The following CEP43 variants were observed in gnomAD, a reference collection of about 807,000 sequenced individuals.
The protein encoded by CEP43 is centrosomal protein 43.
Under a neutral mutation model 52.6 loss-of-function variants are expected in CEP43, and 36 were observed. The ratio of observed to expected loss-of-function variants is 0.68; its 90% CI spans 0.52 to 0.90. CEP43 has a LOEUF of 0.90. Among genes scored for constraint, CEP43 ranks in the 40% least tolerant of loss-of-function variants. The pLI is 0.00. For missense variants in CEP43, 506 were observed against 472.8 expected (o/e 1.07, Z -0.65); for synonymous variants, 192 against 172.4 (o/e 1.11, Z -0.89).
At chr6:167,026,249 G>A (rs1284221559) in intron 9 of CEP43, among the ~76,000 whole-genome samples, 1 of 152,200 alleles carries the variant, frequency 6.6e-6, no homozygotes, top group African/African-American at 2.4e-5. Flanking sequence ...TGTAGTCCCA[G>A]CTACTCGGGA....
chr6:167,016,472 T>C (rs1255941623), intron 7 of CEP43, among the ~76,000 whole-genome samples: 1 of 152,176 alleles, frequency 6.6e-6, no homozygotes, highest in East Asian at 1.9e-4. Context: ...TGGTTGTCCA[T>C]TCTGATCCTC....
rs561686399 is a variant in CEP43 at position 167,006,093 on chromosome 6, A to G, written c.438+1692A>G. On this transcript the variant is annotated intron_variant, in intron 5 of 12. Coordinates refer to ENST00000366847, the MANE Select transcript of CEP43 (RefSeq NM_007045.4). ...TCTGCAACATGGAGATCACAGAAGTATCGCGCCTACAGGTCTGGAGGGGGT... is the reference window on the plus strand; with the variant it reads ...TCTGCAACATGGAGATCACAGAAGTGTCGCGCCTACAGGTCTGGAGGGGGT... Among the ~76,000 whole-genome samples the G allele has an allele frequency of 1.5e-4, 23 of 152,346 alleles. No individual in the cohort carries two copies. The South Asian group carries it at 2.5e-3, about 16-fold the overall frequency.
intron 8 of CEP43, 100 bp from the exon 9 acceptor site, chr6:167,024,682 G>T: frequency 1.3e-6 from 1 of 796,624 alleles, no homozygotes; most frequent in South Asian, 1.6e-5. Context: ...GCCACCACAC[G>T]TATAAAATAT....
intron 5 of CEP43, among the ~76,000 whole-genome samples, chr6:167,006,593 A>T (rs1425551773): frequency 6.6e-6 from 1 of 152,242 alleles, no homozygotes; most frequent in African/African-American, 2.4e-5. Flanking sequence ...TATAGCATTT[A>T]CATTGTATTA....
At chr6:167,039,477 C>T (rs1279643799) in intron 12 of CEP43, among the ~76,000 whole-genome samples, 1 of 152,080 alleles carries the variant, frequency 6.6e-6, no homozygotes, top group Non-Finnish European at 1.5e-5. Flanking sequence ...ATGTATATAC[C>T]ACAATGTCTT....
rs1562530800 is a variant in CEP43 at position 167,026,601 on chromosome 6, G to A, written c.974G>A (p.Gly325Glu). The A allele has an allele frequency of 1.3e-6, 2 of 1,583,280 alleles. No homozygotes were observed. The highest frequency in any genetic ancestry group is 1.7e-6 in the Non-Finnish European group (2 of 1,152,082). Residue 325 changes from glycine to glutamate, a missense_variant, in exon 10 of 13, where the codon GGA (glycine) becomes GAA (glutamate). By Grantham distance (98) the Gly-to-Glu change is moderately conservative. Transcript: ENST00000366847. Reference protein sequence around the residue: ...KDLKLISDKIGSLGLGTGEDD... With the variant: ...KDLKLISDKIESLGLGTGEDD... ...CTGAAATTGATCAGTGATAAAATTG[G>A]ATCACTTGGATTAGGTAATTAGATT...
Position 167,048,050 on chromosome 6 carries a change from G to A in CEP43, c.*8072G>A, listed in dbSNP as rs1780824452. ...TATTTAGCTCTGCTTTTAGATATCT[G>A]CATGATAAAGATGAGTGATCCAACG... is the stretch of plus-strand genomic sequence containing the variant. On this transcript the variant is annotated 3_prime_UTR_variant, in exon 13 of 13. Coordinates refer to ENST00000366847, the MANE Select transcript of CEP43 (RefSeq NM_007045.4). 1 of 152,126 alleles carries A rather than the reference G, an allele frequency of 6.6e-6. No homozygotes were observed. Among genetic ancestry groups the A allele is most frequent in the Non-Finnish European group, 1.5e-5 (1 of 68,026 alleles). 9.4% of individuals were successfully genotyped at this position (152,126 alleles called of 1,614,324 possible). A position where few individuals can be genotyped will look rare whatever the true frequency, so the allele number is the denominator to read the frequency against.
intron 7 of CEP43, among the ~76,000 whole-genome samples, chr6:167,016,662 G>A (rs942390257): frequency 6.6e-6 from 1 of 152,164 alleles, no homozygotes; most frequent in African/African-American, 2.4e-5. Context: ...AGTCACCTGA[G>A]GATTTTCCAA....
chr6:167,009,469 C>G (rs192852323), intron 5 of CEP43, among the ~76,000 whole-genome samples: 444 of 135,700 alleles, frequency 3.3e-3, no homozygotes, highest in Non-Finnish European at 5.1e-3. Flanking sequence ...AAGATTGCGC[C>G]TCTGCACTCC....
chr6:167,004,258 T>C lies in CEP43; in HGVS notation c.301-6T>C. 6.3e-7 allele frequency: 1 copy of C among 1,590,700 alleles called. No individual in the cohort carries two copies. Among genetic ancestry groups the C allele is most frequent in the Non-Finnish European group, 8.5e-7 (1 of 1,172,234 alleles). On this transcript the variant is annotated splice_region_variant and splice_polypyrimidine_tract_variant and intron_variant, in intron 4 of 12. Transcript: ENST00000366847. ...TTGTGCACTTGTATTTTAACTTCTTTTCTAGCTGCAAGGTCTCGAAGGTCG... is the reference window on the plus strand; with the variant it reads ...TTGTGCACTTGTATTTTAACTTCTTCTCTAGCTGCAAGGTCTCGAAGGTCG...
At chr6:167,000,459 G>T (rs1373128207) in intron 2 of CEP43, among the ~76,000 whole-genome samples, 1 of 152,008 alleles carries the variant, frequency 6.6e-6, no homozygotes, top group Admixed American at 6.6e-5. Flanking sequence ...TATGAAACGG[G>T]GTATATAGTA....
chr6:167,033,841 G>T, intron 11 of CEP43, 34 bp from the exon 12 acceptor site: 1 of 1,023,428 alleles, frequency 9.8e-7, no homozygotes, highest in Non-Finnish European at 1.5e-6. Flanking sequence ...TTTATTTTCA[G>T]AGTTCTTATT....
At position 167,042,485 on chromosome 6, in the gene CEP43, C is replaced by A; in HGVS notation, c.*2507C>A. 2.0e-6 allele frequency: 1 copy of A among 490,896 alleles called. No individual in the cohort carries two copies. The highest frequency in any genetic ancestry group is 2.6e-6 in the Non-Finnish European group (1 of 377,896). 30.4% of individuals were successfully genotyped at this position (490,896 alleles called of 1,614,324 possible). A position where few individuals can be genotyped will look rare whatever the true frequency, so the allele number is the denominator to read the frequency against. On this transcript the variant is annotated 3_prime_UTR_variant, in exon 13 of 13. Coordinates refer to ENST00000366847, the MANE Select transcript of CEP43 (RefSeq NM_007045.4). ...GGGCAGTTGTGTAGATGCCATTAGT[C>A]CCTGCCTCATGCTTGCCCACAGCTC...
chr6:167,005,488 T>C (rs567725821), intron 5 of CEP43, among the ~76,000 whole-genome samples: 1 of 151,996 alleles, frequency 6.6e-6, no homozygotes, highest in South Asian at 2.1e-4. Flanking sequence ...AAAGTGAGAG[T>C]AGGATGTCAG....
chr6:167,010,920 CAT>C, intron 6 of CEP43, 27 bp downstream of exon 6: 1 of 1,402,346 alleles, frequency 7.1e-7, no homozygotes, highest in Non-Finnish European at 9.9e-7. Flanking sequence ...ACACGGAAGT[CAT>C]GTCTGGACTT....
At position 167,004,327 on chromosome 6, in the gene CEP43, A is replaced by G; in HGVS notation, c.364A>G (p.Thr122Ala). The G allele has an allele frequency of 1.2e-6, 2 of 1,612,152 alleles. No homozygotes were observed. Among genetic ancestry groups the G allele is most frequent in the Non-Finnish European group, 1.7e-6 (2 of 1,178,932 alleles). Residue 122 changes from threonine to alanine, a missense_variant, in exon 5 of 13, where the codon ACT becomes GCT. Transcript: ENST00000366847. The part of the protein sequence containing the change: ...RDLGIIEAEG[T>A]VGGPLLLEVI... The stretch of plus-strand genomic sequence containing the variant: ...TTTAGGTATAATTGAAGCAGAAGGT[A>G]CTGTGGGTGGACCCTTATTATTAGA...
intron 2 of CEP43, among the ~76,000 whole-genome samples, chr6:167,000,979 C>T (rs1489950396): frequency 6.6e-6 from 1 of 152,222 alleles, no homozygotes; most frequent in Non-Finnish European, 1.5e-5. Flanking sequence ...TGGCAGGTAC[C>T]AACCTGGTTA....
chr6:167,004,020 A>C (rs1381573490), intron 4 of CEP43: 2 of 590,538 alleles, frequency 3.4e-6, no homozygotes, highest in Non-Finnish European at 5.8e-6. Flanking sequence ...AAAGCTTGCT[A>C]ATAAAAGTGT....
intron 12 of CEP43, among the ~76,000 whole-genome samples, chr6:167,037,004 CTA>C (rs1780597673): frequency 6.6e-6 from 1 of 152,064 alleles, no homozygotes; most frequent in Non-Finnish European, 1.5e-5. Context: ...GGGGTTTCAC[CTA>C]TGTTAGCCAG....
Sources: allele counts gnomAD v4.1 joint callset (sites outside exome capture counted in the v4.1 genomes callset), GRCh38; gene constraint gnomAD v4.1.1; transcripts MANE v1.5; gene names NCBI Gene and HGNC (gene_info 2026-07-23, HGNC 2026-07-21).